Variants in LY96 observed in about 807,000 individuals in gnomAD.
LY96 encodes the protein lymphocyte antigen 96.
A neutral mutation model predicts 18.9 loss-of-function variants in LY96; 18 were observed. The observed-to-expected ratio is 0.95, with a 90% CI of 0.66 to 1.41. LY96 has a LOEUF of 1.41. Among genes scored for constraint, LY96 ranks in the 40% most tolerant of loss-of-function variants. The pLI is 0.00. For synonymous variants in LY96, 66 were observed against 62.6 expected, an observed-to-expected ratio of 1.06 and a Z score of -0.26; for missense variants, 175 against 182.4, an observed-to-expected ratio of 0.96 and a Z score of 0.23.
At chr8:74,032,533 T>C (rs1816987428), downstream of LY96, among the ~76,000 whole-genome samples, 1 of 152,184 alleles carries the variant, frequency 6.6e-6, no homozygotes, top group Non-Finnish European at 1.5e-5. Flanking sequence ...ACGACCCTCT[T>C]ACGCGGACCC....
chr8:74,009,268 G>A (rs1229299489), intron 2 of LY96, among the ~76,000 whole-genome samples: 4 of 150,088 alleles, frequency 2.7e-5, no homozygotes, highest in South Asian at 2.1e-4. Flanking sequence ...GGTGGTAGGC[G>A]CCTGTAATCC....
chr8:74,079,324 C>A, the LY96 span, among the ~76,000 whole-genome samples: 3 of 152,148 alleles, frequency 2.0e-5, no homozygotes, highest in Admixed American at 6.5e-5. Context: ...ATCTCATGGA[C>A]CAAAATTTCA....
intron 3 of LY96, among the ~76,000 whole-genome samples, chr8:74,018,491 A>T: frequency 6.6e-6 from 1 of 152,224 alleles, no homozygotes. Flanking sequence ...TTAACACCCC[A>T]CTGTCAATAT....
chr8:74,022,815 G>A (rs1476552529), intron 3 of LY96, among the ~76,000 whole-genome samples: 1 of 151,954 alleles, frequency 6.6e-6, no homozygotes, highest in African/African-American at 2.4e-5. Flanking sequence ...TCCTCACCTC[G>A]TGATCAGCCC....
At chr8:74,027,959 A>G (rs1469125153) in intron 4 of LY96, among the ~76,000 whole-genome samples, 3 of 152,120 alleles carry the variant, frequency 2.0e-5, no homozygotes, top group African/African-American at 7.2e-5. Flanking sequence ...TTGGTTGTGG[A>G]AGCCTGGGGA....
the LY96 span, among the ~76,000 whole-genome samples, chr8:74,088,123 T>TGG: frequency 7.3e-5 from 11 of 151,596 alleles, no homozygotes; most frequent in African/African-American, 2.7e-4. Context: ...TAGAATAGAA[T>TGG]AGAATAGAAT....
chr8:74,064,662 C>G, the LY96 span, among the ~76,000 whole-genome samples: 2 of 152,086 alleles, frequency 1.3e-5, no homozygotes, highest in Non-Finnish European at 2.9e-5. Context: ...TGGTGCCAGG[C>G]TTCCTATACA....
At chr8:74,039,351 G>C in the LY96 span, among the ~76,000 whole-genome samples, 1 of 152,132 alleles carries the variant, frequency 6.6e-6, no homozygotes, top group African/African-American at 2.4e-5. Flanking sequence ...TTGCTGTGCA[G>C]ATCTTTTTAA....
At chr8:74,058,774 C>T in the LY96 span, among the ~76,000 whole-genome samples, 2 of 152,162 alleles carry the variant, frequency 1.3e-5, no homozygotes, top group African/African-American at 2.4e-5. Context: ...CCCGCCTCAG[C>T]TTCCCAAAGT....
chr8:74,018,644 T>C (rs1816694922), intron 3 of LY96, among the ~76,000 whole-genome samples: 1 of 152,172 alleles, frequency 6.6e-6, no homozygotes, highest in African/African-American at 2.4e-5. Context: ...CACATTGCAC[T>C]TATTCCAAAA....
intron 2 of LY96, among the ~76,000 whole-genome samples, chr8:74,007,982 A>G (rs572829541): frequency 1.3e-5 from 2 of 152,054 alleles, no homozygotes; most frequent in South Asian, 2.1e-4. Context: ...ATGGTCTCGA[A>G]CTCCTGACCT....
At chr8:74,049,115 C>T in the LY96 span, among the ~76,000 whole-genome samples, 1 of 152,174 alleles carries the variant, frequency 6.6e-6, no homozygotes, top group Non-Finnish European at 1.5e-5. Flanking sequence ...TAGCTATCTA[C>T]CCCACTAGAC....
chr8:74,075,372 G>A, the LY96 span, among the ~76,000 whole-genome samples: 1 of 152,234 alleles, frequency 6.6e-6, no homozygotes, highest in African/African-American at 2.4e-5. Flanking sequence ...CTGGGCTGAA[G>A]CGATCTTCCT....
At chr8:74,045,328 A>G in the LY96 span, among the ~76,000 whole-genome samples, 1 of 152,236 alleles carries the variant, frequency 6.6e-6, no homozygotes, top group African/African-American at 2.4e-5. Context: ...GAAAATAAAA[A>G]CACGAAGGCT....
intron 1 of LY96, among the ~76,000 whole-genome samples, chr8:73,992,875 T>TGA (rs1554600468): frequency 4.6e-5 from 7 of 150,572 alleles, no homozygotes; most frequent in South Asian, 2.1e-4. Context: ...TGTGTGTGTG[T>TGA]GACAGAGTTT....
chr8:74,086,067 C>T, the LY96 span, among the ~76,000 whole-genome samples: 7 of 152,142 alleles, frequency 4.6e-5, no homozygotes, highest in Non-Finnish European at 1.0e-4. Flanking sequence ...CCCTGGCAAC[C>T]AATATTCTAT....
At chr8:74,043,308 A>G in the LY96 span, among the ~76,000 whole-genome samples, 5 of 152,358 alleles carry the variant, frequency 3.3e-5, no homozygotes, top group South Asian at 2.1e-4. Flanking sequence ...GAGGTTGTCA[A>G]TTGGGACTAA....
the LY96 span, among the ~76,000 whole-genome samples, chr8:74,071,655 C>T: frequency 1.3e-5 from 2 of 152,312 alleles, no homozygotes; most frequent in African/African-American, 4.8e-5. Flanking sequence ...CACCTCCAGG[C>T]CTACCTAGAG....
Position 74,001,998 on chromosome 8 carries a change from TCTTCCTTTCTTCCTTC to T in LY96, c.113-2790_113-2775del, listed in dbSNP as rs1160064644. On this transcript the variant is annotated intron_variant, in intron 1 of 4. Coordinates refer to ENST00000284818, the MANE Select transcript of LY96 (RefSeq NM_015364.5). ...TCCTTCCCTCCCTCCCTCCCTCCTT[TCTTCCTTTCTTCCTTC>T]CTTCCTTCCTTCCTTCCTTCCTTCC... Among the ~76,000 whole-genome samples the T allele has an allele frequency of 2.6e-4, 13 of 50,592 alleles. 1 individual carries two copies. Among genetic ancestry groups the T allele is most frequent in the South Asian group, 1.1e-3 (1 of 884 alleles). 33.2% of individuals were successfully genotyped at this position (50,592 alleles called of 152,430 possible). A position where few individuals can be genotyped will look rare whatever the true frequency, so the allele number is the denominator to read the frequency against.
Sources: gnomAD v4.1 joint callset for allele counts (sites outside exome capture counted in the v4.1 genomes callset) on GRCh38, gnomAD v4.1.1 for gene constraint, MANE v1.5 for transcripts, NCBI Gene and HGNC (gene_info 2026-07-23, HGNC 2026-07-21) for gene names.